The following PCDH19 variants were observed in gnomAD, a reference collection of about 807,000 sequenced individuals.
PCDH19 encodes protocadherin-19.
In PCDH19, 6 loss-of-function variants were observed where a neutral mutation model predicts 46.2. The ratio of observed to expected loss-of-function variants is 0.13; its 90% CI spans 0.07 to 0.26. The LOEUF (loss-of-function observed/expected upper bound fraction) is 0.26. PCDH19 is among the 10% of genes least tolerant of loss of function. The pLI, the probability that PCDH19 is intolerant of heterozygous loss-of-function variation, is 1.00. For synonymous variants in PCDH19, 481 were observed against 415.7 expected (o/e 1.16, Z -1.91); for missense variants, 740 against 972.3 (o/e 0.76, Z 3.18).
intron 4 of PCDH19, among the ~76,000 whole-genome samples, chrX:100,343,523 G>A (rs1926314214): frequency 8.9e-6 from 1 of 111,913 alleles, no homozygotes. Context: ...AATGCACTAT[G>A]CATGCAATCC....
rs778272754 is a variant in PCDH19, at chrX:100,326,944, T to TC, written c.2848+14958dup. On this transcript the variant is annotated intron_variant, in intron 5 of 5. Coordinates refer to ENST00000373034, the MANE Select transcript of PCDH19 (RefSeq NM_001184880.2). Reference sequence around the variant, plus strand: ...TTCAATATTCTAGAAACGATCCTCTTCCCCCCACCACTCCTCTCAAATAAT... The same window carrying TC: ...TTCAATATTCTAGAAACGATCCTCTTCCCCCCCACCACTCCTCTCAAATAAT... Among the ~76,000 whole-genome samples the TC allele has an allele frequency of 1.1e-3, 121 of 110,960 alleles. 1 individual carries two copies. In the South Asian group the frequency reaches 0.017, roughly 16 times the overall value.
At chrX:100,304,651 C>T (rs1214568601) in intron 5 of PCDH19, among the ~76,000 whole-genome samples, 1 of 111,207 alleles carries the variant, frequency 9.0e-6, no homozygotes, top group Admixed American at 9.5e-5. Context: ...AGGTGAAGTC[C>T]AACTTAAAGA....
intron 3 of PCDH19, among the ~76,000 whole-genome samples, chrX:100,351,154 T>C (rs1926559566): frequency 8.8e-6 from 1 of 113,045 alleles, no homozygotes; most frequent in African/African-American, 3.2e-5. Context: ...TACACCACTG[T>C]GGATTTAAAC....
intron 5 of PCDH19, among the ~76,000 whole-genome samples, chrX:100,330,856 C>G (rs1394102997): frequency 8.9e-6 from 1 of 112,015 alleles, no homozygotes; most frequent in East Asian, 2.8e-4. Context: ...TCTATTATTT[C>G]AAATTTAATA....
At chrX:100,310,668 CA>C (rs1390003783) in intron 5 of PCDH19, among the ~76,000 whole-genome samples, 1 of 109,679 alleles carries the variant, frequency 9.1e-6, no homozygotes, top group Non-Finnish European at 1.9e-5. Flanking sequence ...TAAAGACGCC[CA>C]CAGAATTAAG....
chrX:100,350,893 C>T (rs990319119), intron 3 of PCDH19, among the ~76,000 whole-genome samples, 189 bp from the exon 4 acceptor site: 1 of 112,261 alleles, frequency 8.9e-6, no homozygotes, highest in Admixed American at 9.4e-5. Flanking sequence ...AGCAGCTCCC[C>T]GCTGCAGACC....
chrX:100,357,388 G>A lies in PCDH19; in HGVS notation c.2617-6684C>T, dbSNP rs140023272. The stretch of plus-strand genomic sequence containing the variant: ...GAAATCTCCCTATCCTATCAAATAG[G>A]TTATACAATTCATAACGTTCTTAGA... On this transcript the variant is annotated intron_variant, in intron 3 of 5. Coordinates refer to ENST00000373034, the MANE Select transcript of PCDH19 (RefSeq NM_001184880.2). 8.4e-3 allele frequency among the ~76,000 whole-genome samples: 939 copies of A among 111,766 alleles called. 5 individuals are homozygous for A. The highest frequency in any genetic ancestry group is 0.065 in the Middle Eastern group (14 of 217).
chrX:100,365,576 A>G lies in PCDH19; in HGVS notation c.2617-14872T>C, dbSNP rs1341570939. ...GCAACCTGACAATGCTATGCTGTCC[A>G]CTGAAAGCTTTGAAAAACTGAAAAA... On this transcript the variant is annotated intron_variant, in intron 3 of 5. Coordinates refer to ENST00000373034, the MANE Select transcript of PCDH19 (RefSeq NM_001184880.2). Among the ~76,000 whole-genome samples the G allele has an allele frequency of 2.7e-5, 3 of 112,194 alleles. 1 individual carries two copies. The highest frequency in any genetic ancestry group is 1.9e-4 in the Admixed American group (2 of 10,564).
chrX:100,296,826 G>A lies in PCDH19; in HGVS notation c.2898C>T (p.His966=). The A allele has an allele frequency of 1.7e-6, 2 of 1,211,291 alleles. No homozygotes were observed. The highest frequency in any genetic ancestry group is 2.2e-6 in the Non-Finnish European group (2 of 895,162). ...HCREECRILG[H]SDRCWMPRNP... is the part of the protein sequence containing the mutation. ...TCCGGGGCATCCAGCACCTGTCAGA[G>A]TGGCCAAGAATCCGGCATTCTTCCC... Residue 966 remains histidine, a synonymous_variant, in exon 6 of 6, where the codon CAC becomes CAT. Coordinates refer to ENST00000373034, the MANE Select transcript of PCDH19 (RefSeq NM_001184880.2).
At chrX:100,373,156 G>C (rs1445877641) in intron 3 of PCDH19, among the ~76,000 whole-genome samples, 5 of 112,257 alleles carry the variant, frequency 4.5e-5, no homozygotes, top group African/African-American at 6.5e-5. Flanking sequence ...CTACAGGCGC[G>C]TGCCACCACG....
chrX:100,373,592 T>C (rs1303567172), intron 3 of PCDH19, among the ~76,000 whole-genome samples: 2 of 112,428 alleles, frequency 1.8e-5, no homozygotes, highest in African/African-American at 6.5e-5. Flanking sequence ...CCTATTTTCC[T>C]TTCTTCGAAA....
chrX:100,394,549 A>T (rs1418032641), intron 3 of PCDH19, among the ~76,000 whole-genome samples: 1 of 111,777 alleles, frequency 8.9e-6, no homozygotes, highest in Non-Finnish European at 1.9e-5. Context: ...TGAAGACAAA[A>T]AAAAATTCGT....
At chrX:100,382,343 A>G (rs1927580125) in intron 3 of PCDH19, among the ~76,000 whole-genome samples, 1 of 111,784 alleles carries the variant, frequency 8.9e-6, no homozygotes, top group African/African-American at 3.3e-5. Context: ...CCCAAAATTG[A>G]GAAAAGAGTA....
Position 100,408,606 on chromosome X carries a change from G to A in PCDH19, c.-9C>T, listed in dbSNP as rs773547239. On this transcript the variant is annotated 5_prime_UTR_variant, in exon 1 of 6. Transcript: ENST00000373034. ...AGCAGGAGCGACTCCATGGCTGCAC[G>A]GGGCTCTGCCTGGCCTCGCCTCTCC... The A allele has an allele frequency of 8.7e-7, 1 of 1,145,637 alleles. No individual in the cohort carries two copies. 94.4% of individuals were successfully genotyped at this position (1,145,637 alleles called of 1,213,427 possible).
chrX:100,296,960 C>A (rs1924636900), intron 5 of PCDH19, 85 bp from the exon 6 acceptor site: 1 of 893,485 alleles, frequency 1.1e-6, no homozygotes, highest in Admixed American at 2.2e-5. Context: ...TCTTAGATAT[C>A]CACAGGCCCT....
chrX:100,372,857 T>C (rs1417741928), intron 3 of PCDH19, among the ~76,000 whole-genome samples: 1 of 112,336 alleles, frequency 8.9e-6, no homozygotes, highest in Non-Finnish European at 1.9e-5. Context: ...ATTTAGTTTA[T>C]TTACCTGTAA....
chrX:100,310,542 C>T (rs1925099228), intron 5 of PCDH19, among the ~76,000 whole-genome samples: 1 of 110,957 alleles, frequency 9.0e-6, no homozygotes, highest in African/African-American at 3.3e-5. Context: ...TTTGAAAAAG[C>T]AACTTTACTA....
In PCDH19 at chrX:100,402,749, G is replaced by C. The variant is rs1304917337; in HGVS notation, c.2391C>G (p.Asp797Glu). The change falls in exon 3 of 6, where the codon GAC (aspartate) becomes GAG (glutamate). Residue 797 changes from aspartate to glutamate, a missense_variant. Physicochemically the swap from Asp to Glu is conservative, Grantham distance 45. Around this residue, in one of 5 missense-constraint regions of PCDH19, gnomAD observed 416 missense variants for 476.8 expected, o/e 0.87. Coordinates refer to ENST00000373034, the MANE Select transcript of PCDH19 (RefSeq NM_001184880.2). ...RLVPRDVEETDKMNVVSCSSL... is the reference protein window; with the variant it reads ...RLVPRDVEETEKMNVVSCSSL... ...AAGAGCAACTGACAACGTTCATCTTGTCTGTCTCCTCCACATCCCGGGGTA... is the reference window on the plus strand; with the variant it reads ...AAGAGCAACTGACAACGTTCATCTTCTCTGTCTCCTCCACATCCCGGGGTA... The C allele has an allele frequency of 2.5e-6, 3 of 1,208,242 alleles. No individual in the cohort carries two copies. The highest frequency in any genetic ancestry group is 3.4e-6 in the Non-Finnish European group (3 of 893,453).
intron 5 of PCDH19, among the ~76,000 whole-genome samples, chrX:100,311,307 T>C (rs12690257): frequency 0.039 from 4,333 of 111,351 alleles, 246 homozygotes; most frequent in East Asian, 0.25. Flanking sequence ...ATAGTGAAGA[T>C]GGCACACATA....
Sources: allele counts gnomAD v4.1 joint callset (sites outside exome capture counted in the v4.1 genomes callset), GRCh38; gene constraint gnomAD v4.1.1; regional missense constraint gnomAD v4.1.1; transcripts MANE v1.5; gene names NCBI Gene and HGNC (gene_info 2026-07-23, HGNC 2026-07-21).